SCFD2: variants seen among roughly 807,000 people sequenced by gnomAD.
The protein encoded by SCFD2 is sec1 family domain containing 2.
In SCFD2, 54 loss-of-function variants were observed where a neutral mutation model predicts 58.9. That is an observed-to-expected ratio of 0.92 (90% CI 0.74 to 1.15). The LOEUF is 1.15. Among genes scored for constraint, SCFD2 ranks in the 50% most tolerant of loss-of-function variants. The pLI is 0.00. For missense variants in SCFD2, 805 were observed against 836.6 expected (o/e 0.96, Z 0.47); for synonymous variants, 321 against 335.9 (o/e 0.96, Z 0.49).
chr4:53,073,842 C>A (rs973596817), intron 5 of SCFD2, among the ~76,000 whole-genome samples: 1 of 152,006 alleles, frequency 6.6e-6, no homozygotes, highest in African/African-American at 2.4e-5. Context: ...AAATATTTAT[C>A]GCTAAAAATG....
At chr4:53,042,424 T>C (rs931446569) in intron 5 of SCFD2, among the ~76,000 whole-genome samples, 1 of 152,130 alleles carries the variant, frequency 6.6e-6, no homozygotes, top group Non-Finnish European at 1.5e-5. Flanking sequence ...TGAGCAAAGG[T>C]GTCCCTTCCC....
chr4:52,941,087 A>AT (rs71913452), intron 5 of SCFD2, among the ~76,000 whole-genome samples: 80 of 147,694 alleles, frequency 5.4e-4, no homozygotes, highest in African/African-American at 1.0e-3. Context: ...AAATCCTGGC[A>AT]TTTTTTTTTT....
chr4:53,009,080 C>A (rs1431326419), intron 5 of SCFD2, among the ~76,000 whole-genome samples: 1 of 152,194 alleles, frequency 6.6e-6, no homozygotes, highest in South Asian at 2.1e-4. Flanking sequence ...CTTTGACGAA[C>A]TTGCCATCTT....
chr4:53,297,365 G>C (rs184377428), intron 3 of SCFD2, among the ~76,000 whole-genome samples: 26 of 152,186 alleles, frequency 1.7e-4, no homozygotes, highest in Admixed American at 1.0e-3. Flanking sequence ...TCTTCTTGTT[G>C]CAGTGATCCC....
chr4:53,204,160 C>T (rs1335640864), intron 4 of SCFD2, among the ~76,000 whole-genome samples: 1 of 152,070 alleles, frequency 6.6e-6, no homozygotes, highest in African/African-American at 2.4e-5. Context: ...ACAAACCCCC[C>T]ATAAACTTAG....
intron 4 of SCFD2, among the ~76,000 whole-genome samples, chr4:53,186,706 T>C (rs1318569487): frequency 6.6e-6 from 1 of 152,030 alleles, no homozygotes; most frequent in African/African-American, 2.4e-5. Flanking sequence ...ACAAAATCTT[T>C]AGAGGTAGAA....
At chr4:53,289,005 T>A (rs1440924058) in intron 3 of SCFD2, among the ~76,000 whole-genome samples, 3 of 152,136 alleles carry the variant, frequency 2.0e-5, no homozygotes, top group Admixed American at 2.0e-4. Context: ...ATATAAATTG[T>A]GGGGGATAGG....
chr4:52,941,647 T>C (rs1037082469), intron 5 of SCFD2, among the ~76,000 whole-genome samples: 1 of 152,240 alleles, frequency 6.6e-6, no homozygotes, highest in East Asian at 1.9e-4. Flanking sequence ...TGCCAAATGC[T>C]TGTTGAATGA....
At chr4:53,226,394 AATTGATATAT>A (rs1158877376) in intron 4 of SCFD2, among the ~76,000 whole-genome samples, 1 of 152,170 alleles carries the variant, frequency 6.6e-6, no homozygotes, top group Non-Finnish European at 1.5e-5. Flanking sequence ...ATTGATGTAT[AATTGATATAT>A]ATTGATATAT....
chr4:53,362,715 G>A (rs770819169), intron 1 of SCFD2, among the ~76,000 whole-genome samples: 2 of 151,362 alleles, frequency 1.3e-5, no homozygotes, highest in Non-Finnish European at 2.9e-5. Flanking sequence ...AGTTGGAAGA[G>A]CATGAGAGGT....
intron 3 of SCFD2, among the ~76,000 whole-genome samples, chr4:53,279,542 C>G (rs1243155165): frequency 6.6e-6 from 1 of 152,108 alleles, no homozygotes; most frequent in Non-Finnish European, 1.5e-5. Context: ...AAATTTATGT[C>G]TTGGGTAAAA....
intron 4 of SCFD2, among the ~76,000 whole-genome samples, chr4:53,257,984 C>T (rs1381364205): frequency 1.3e-5 from 2 of 151,980 alleles, no homozygotes; most frequent in African/African-American, 2.4e-5. Flanking sequence ...GCAAGAGAAA[C>T]TTAATAAGAT....
intron 5 of SCFD2, among the ~76,000 whole-genome samples, chr4:53,095,508 T>C (rs1724596045): frequency 6.6e-6 from 1 of 152,122 alleles, no homozygotes. Context: ...TCTAAAAGCC[T>C]CCTAACAAGA....
At chr4:53,351,682 T>C (rs1328409463) in intron 2 of SCFD2, among the ~76,000 whole-genome samples, 4 of 152,210 alleles carry the variant, frequency 2.6e-5, no homozygotes, top group Non-Finnish European at 5.9e-5. Flanking sequence ...GCTTTTATTG[T>C]ATGTGTAAAC....
chr4:52,985,950 A>G (rs1721481743), intron 5 of SCFD2, among the ~76,000 whole-genome samples: 1 of 152,090 alleles, frequency 6.6e-6, no homozygotes, highest in African/African-American at 2.4e-5. Flanking sequence ...TAAGTGCTGA[A>G]CAAATCGCCA....
At position 52,983,748 on chromosome 4, in the gene SCFD2, T is replaced by C. The variant is rs149454253; in HGVS notation, c.1562-62878A>G. Among the ~76,000 whole-genome samples, 305 of 152,246 alleles carry C rather than the reference T, an allele frequency of 2.0e-3. 4 individuals are homozygous for C. In the South Asian group the frequency reaches 0.047, roughly 23 times the overall value. ...GTGAAACCCATCTAGATAATGAAAATGGTGCCCTCTGCTGGAAAGAATCAA... is the reference window on the plus strand; with the variant it reads ...GTGAAACCCATCTAGATAATGAAAACGGTGCCCTCTGCTGGAAAGAATCAA... On this transcript the variant is annotated intron_variant, in intron 5 of 8. Transcript: ENST00000401642.
At chr4:53,127,549 G>T (rs921768813) in intron 5 of SCFD2, among the ~76,000 whole-genome samples, 30 of 152,112 alleles carry the variant, frequency 2.0e-4, no homozygotes, top group African/African-American at 6.8e-4. Context: ...TTCACTTTAC[G>T]ACACACAATG....
At chr4:53,168,267 G>A (rs1263089184) in intron 4 of SCFD2, among the ~76,000 whole-genome samples, 1 of 152,190 alleles carries the variant, frequency 6.6e-6, no homozygotes, top group Non-Finnish European at 1.5e-5. Flanking sequence ...CCCAAAGTGA[G>A]CTAAAGCAGT....
At chr4:53,055,143 C>T (rs931545037) in intron 5 of SCFD2, among the ~76,000 whole-genome samples, 33 of 152,156 alleles carry the variant, frequency 2.2e-4, no homozygotes, top group Admixed American at 6.6e-5. Context: ...AATTTGCATT[C>T]GTTATTAGAT....
Sources: gnomAD v4.1 joint callset for allele counts (sites outside exome capture counted in the v4.1 genomes callset) on GRCh38, gnomAD v4.1.1 for gene constraint, MANE v1.5 for transcripts, NCBI Gene and HGNC (gene_info 2026-07-23, HGNC 2026-07-21) for gene names.